UNC13C: variants seen among roughly 807,000 people sequenced by gnomAD.
The protein encoded by UNC13C is unc-13 homolog C.
A neutral mutation model predicts 245.4 loss-of-function variants in UNC13C; 174 were observed. The observed-to-expected ratio is 0.71, with a 90% CI of 0.63 to 0.80. The LOEUF (loss-of-function observed/expected upper bound fraction) is 0.80, where lower values mean the gene tolerates loss of function less well. UNC13C is among the 30% of genes least tolerant of loss of function. The probability of loss-of-function intolerance (pLI) is 0.00; values close to 1 mark genes in which losing one functional copy is unlikely to be tolerated. For missense variants in UNC13C, 2,829 were observed against 2,602.9 expected, an observed-to-expected ratio of 1.09 and a Z score of -1.89; for synonymous variants, 992 against 895.1, an observed-to-expected ratio of 1.11 and a Z score of -1.93.
intron 24 of UNC13C, among the ~76,000 whole-genome samples, chr15:54,521,035 A>G (rs1287653065): frequency 1.3e-5 from 2 of 152,182 alleles, no homozygotes; most frequent in African/African-American, 2.4e-5. Context: ...AATTAATGGT[A>G]GAGGGAATGA....
At chr15:54,539,226 GTTAT>G (rs1896131442) in intron 26 of UNC13C, among the ~76,000 whole-genome samples, 1 of 151,442 alleles carries the variant, frequency 6.6e-6, no homozygotes, top group Non-Finnish European at 1.5e-5. Context: ...GTCTAATGTT[GTTAT>G]TTATTTAATG....
At chr15:54,253,127 A>T (rs1490947900) in intron 8 of UNC13C, among the ~76,000 whole-genome samples, 1 of 152,226 alleles carries the variant, frequency 6.6e-6, no homozygotes, top group Non-Finnish European at 1.5e-5. Context: ...TAAATTCTCT[A>T]CATGTGGTCT....
At chr15:54,160,100 T>G (rs2032914253) in intron 4 of UNC13C, among the ~76,000 whole-genome samples, 1 of 152,008 alleles carries the variant, frequency 6.6e-6, no homozygotes, top group South Asian at 2.1e-4. Context: ...TGGAAGACTT[T>G]TGGAATACTA....
intron 4 of UNC13C, among the ~76,000 whole-genome samples, chr15:54,207,065 T>A (rs1278872478): frequency 6.6e-6 from 1 of 152,060 alleles, no homozygotes; most frequent in African/African-American, 2.4e-5. Context: ...AGCATCCTCA[T>A]GCAATGCATT....
intron 4 of UNC13C, among the ~76,000 whole-genome samples, chr15:54,232,493 C>T (rs902682448): frequency 6.6e-6 from 1 of 151,892 alleles, no homozygotes; most frequent in Non-Finnish European, 1.5e-5. Context: ...TAAATAAGTT[C>T]GATTCAAGAT....
chr15:54,267,534 A>G (rs2036577697), intron 10 of UNC13C, among the ~76,000 whole-genome samples: 1 of 152,016 alleles, frequency 6.6e-6, no homozygotes, highest in African/African-American at 2.4e-5. Flanking sequence ...TAGATGTTGC[A>G]TTTTGTTACA....
chr15:54,446,440 T>C (rs898000328), intron 19 of UNC13C, among the ~76,000 whole-genome samples: 5 of 152,232 alleles, frequency 3.3e-5, no homozygotes, highest in African/African-American at 7.2e-5. Context: ...GGAATGTTCT[T>C]CCATTTGTTT....
intron 10 of UNC13C, among the ~76,000 whole-genome samples, chr15:54,291,014 C>T (rs2037283029): frequency 6.6e-6 from 1 of 151,950 alleles, no homozygotes. Context: ...TCTAAAATGC[C>T]TTCTATCTTT....
At chr15:53,977,813 A>G (rs1893759392), upstream of UNC13C, among the ~76,000 whole-genome samples, 1 of 152,244 alleles carries the variant, frequency 6.6e-6, no homozygotes, top group Admixed American at 6.5e-5. Flanking sequence ...AAATGTTAAC[A>G]TCAAATGAAA....
At chr15:53,867,624 G>T in the UNC13C span, among the ~76,000 whole-genome samples, 1 of 152,278 alleles carries the variant, frequency 6.6e-6, no homozygotes, top group East Asian at 1.9e-4. Flanking sequence ...TAGGATTGCG[G>T]GGGCAGGGAA....
At chr15:54,366,035 C>T (rs757852426) in intron 17 of UNC13C, among the ~76,000 whole-genome samples, 58 of 152,210 alleles carry the variant, frequency 3.8e-4, no homozygotes, top group Admixed American at 1.1e-3. Context: ...TTTAATTGTT[C>T]CACAGAAGAA....
chr15:54,293,416 C>T (rs1467108534), intron 10 of UNC13C, among the ~76,000 whole-genome samples: 1 of 151,932 alleles, frequency 6.6e-6, no homozygotes, highest in African/African-American at 2.4e-5. Context: ...TTAATAATAT[C>T]TTATGTGCTT....
chr15:54,503,550 C>A (rs1423123699), intron 22 of UNC13C, among the ~76,000 whole-genome samples: 4 of 151,882 alleles, frequency 2.6e-5, no homozygotes, highest in African/African-American at 9.7e-5. Flanking sequence ...CCTGCCTCAG[C>A]CTCCCAAGAG....
intron 30 of UNC13C, among the ~76,000 whole-genome samples, chr15:54,611,262 C>A (rs933339990): frequency 6.6e-6 from 1 of 152,074 alleles, no homozygotes; most frequent in Non-Finnish European, 1.5e-5. Context: ...ATTGATAGAA[C>A]AATTTCTAAA....
intron 30 of UNC13C, among the ~76,000 whole-genome samples, chr15:54,582,118 G>A (rs1413651444): frequency 6.6e-6 from 1 of 152,018 alleles, no homozygotes; most frequent in Non-Finnish European, 1.5e-5. Context: ...GAAAGAAGAA[G>A]GCCTTTTGGA....
At chr15:54,134,427 TGTGTGTGTGTGC>T (rs1236700854) in intron 2 of UNC13C, among the ~76,000 whole-genome samples, 3 of 127,614 alleles carry the variant, frequency 2.4e-5, no homozygotes, top group African/African-American at 7.6e-5. Flanking sequence ...CATCTGTGTG[TGTGTGTGTGTGC>T]GTTTGTGTGT....
intron 4 of UNC13C, among the ~76,000 whole-genome samples, chr15:54,231,210 A>G (rs747270400): frequency 1.3e-5 from 2 of 152,124 alleles, no homozygotes; most frequent in African/African-American, 2.4e-5. Flanking sequence ...CCCTGGATCA[A>G]CTGGTACATG....
intron 4 of UNC13C, among the ~76,000 whole-genome samples, chr15:54,195,400 A>G (rs182590457): frequency 1.3e-5 from 2 of 152,336 alleles, no homozygotes; most frequent in East Asian, 3.9e-4. Flanking sequence ...GGCATAATGA[A>G]TAACATTTGT....
At chr15:54,130,454 G>T (rs1430084587) in intron 2 of UNC13C, among the ~76,000 whole-genome samples, 1 of 151,638 alleles carries the variant, frequency 6.6e-6, no homozygotes, top group Non-Finnish European at 1.5e-5. Context: ...CAACACGCCT[G>T]GCTAATTTTT....
Sources: gnomAD v4.1 joint callset for allele counts (sites outside exome capture counted in the v4.1 genomes callset) on GRCh38, gnomAD v4.1.1 for gene constraint, MANE v1.5 for transcripts, NCBI Gene and HGNC (gene_info 2026-07-23, HGNC 2026-07-21) for gene names.